Variants in SMAP1 observed in about 807,000 individuals in gnomAD.
SMAP1 encodes small ArfGAP 1, also known as stromal membrane-associated protein 1.
Under a neutral mutation model 58.5 loss-of-function variants are expected in SMAP1, and 24 were observed. The observed-to-expected ratio is 0.41, with a 90% CI of 0.30 to 0.58. The LOEUF (loss-of-function observed/expected upper bound fraction) is 0.58. Ranked by LOEUF, SMAP1 falls within the 20% of genes least tolerant of loss-of-function variation. The probability of loss-of-function intolerance (pLI) is 0.29; values close to 1 mark genes in which losing one functional copy is unlikely to be tolerated. For missense variants in SMAP1, 563 were observed against 566.3 expected, an observed-to-expected ratio of 0.99 and a Z score of 0.06; for synonymous variants, 216 against 196.6, an observed-to-expected ratio of 1.10 and a Z score of -0.82.
At position 70,693,545 on chromosome 6, in the gene SMAP1, G is replaced by A. The variant is rs181915425; in HGVS notation, c.118+25404G>A. On this transcript the variant is annotated intron_variant, in intron 1 of 10. Coordinates refer to ENST00000370455, the MANE Select transcript of SMAP1 (RefSeq NM_001044305.3). Reference sequence around the variant, plus strand: ...TCTCCATCTCTTGACCTCATGATCCGCCTGCCTCGGCCTCCCAAAGTGCTG... The same window carrying A: ...TCTCCATCTCTTGACCTCATGATCCACCTGCCTCGGCCTCCCAAAGTGCTG... Among the ~76,000 whole-genome samples the A allele has an allele frequency of 1.9e-3, 292 of 151,964 alleles. 1 individual carries two copies. Among genetic ancestry groups the A allele is most frequent in the African/African-American group, 6.6e-3 (272 of 41,466 alleles).
rs68188898 is a variant in SMAP1 at position 70,858,287 on chromosome 6, CTTTTTTTTTTTTTTT to C, written c.1269+72_1269+86del. On this transcript the variant is annotated intron_variant, in intron 10 of 10. Transcript: ENST00000370455. Reference sequence around the variant, plus strand: ...ATCAAACCAGATTTATTTTCTAAATCTTTTTTTTTTTTTTTTTTTTTTTTTTTTAAGTCTAGTGAT... The same window carrying C: ...ATCAAACCAGATTTATTTTCTAAATCTTTTTTTTTTTTTAAGTCTAGTGAT... 139 of 290,732 alleles carry C rather than the reference CTTTTTTTTTTTTTTT, an allele frequency of 4.8e-4. 1 individual carries two copies. The highest frequency in any genetic ancestry group is 2.9e-3 in the South Asian group (98 of 33,458). 18.0% of individuals were successfully genotyped at this position (290,732 alleles called of 1,614,324 possible).
chr6:70,788,105 G>C lies in SMAP1; in HGVS notation c.415-3584G>C, dbSNP rs1002539100. On this transcript the variant is annotated intron_variant, in intron 4 of 10. Transcript: ENST00000370455. Reference sequence around the variant, plus strand: ...GAAAATGTGGCGCATATACACCATGGAATACTATGCAGCCATAAAAAATGA... The same window carrying C: ...GAAAATGTGGCGCATATACACCATGCAATACTATGCAGCCATAAAAAATGA... Among the ~76,000 whole-genome samples the C allele has an allele frequency of 4.7e-4, 71 of 152,022 alleles. 1 individual carries two copies. The highest frequency in any genetic ancestry group is 1.0e-3 in the Admixed American group (16 of 15,274).
intron 4 of SMAP1, among the ~76,000 whole-genome samples, chr6:70,786,003 AG>A (rs2149933168): frequency 6.6e-6 from 1 of 152,364 alleles, no homozygotes; most frequent in South Asian, 2.1e-4. Context: ...CAACCAAAAA[AG>A]AGAATTTTAG....
chr6:70,766,647 C>T, intron 3 of SMAP1, among the ~76,000 whole-genome samples: 1 of 152,038 alleles, frequency 6.6e-6, no homozygotes, highest in East Asian at 1.9e-4. Context: ...TGGTTATTAG[C>T]CCTTTGTCAG....
chr6:70,759,268 T>C (rs1219857231), intron 3 of SMAP1, among the ~76,000 whole-genome samples: 1 of 152,058 alleles, frequency 6.6e-6, no homozygotes, highest in Non-Finnish European at 1.5e-5. Context: ...ATTTATTCCC[T>C]CTTTTTTTGC....
At chr6:70,713,663 A>C (rs1768149843) in intron 1 of SMAP1, among the ~76,000 whole-genome samples, 2 of 152,098 alleles carry the variant, frequency 1.3e-5, no homozygotes, top group South Asian at 4.2e-4. Context: ...TTGTGACCTA[A>C]TGTGATCTGT....
At position 70,860,215 on chromosome 6, in the gene SMAP1, G is replaced by A. The variant is rs758182111; in HGVS notation, c.1285G>A (p.Ala429Thr). The change falls in exon 11 of 11, where the codon GCT becomes ACT. Residue 429 changes from alanine to threonine, a missense_variant. This residue lies in a region of SMAP1 where 494 missense variants were observed against 473.8 expected (regional missense o/e 1.04). Coordinates refer to ENST00000370455, the MANE Select transcript of SMAP1 (RefSeq NM_001044305.3). Reference protein sequence around the residue: ...WSLSQMNQQMAGMSISSATPT... With the variant: ...WSLSQMNQQMTGMSISSATPT... ...TGTTTCACAGATGAATCAGCAGATG[G>A]CTGGCATGAGTATCAGTAGTGCAAC... The A allele has an allele frequency of 2.2e-5, 35 of 1,609,632 alleles. No individual in the cohort carries two copies. Among genetic ancestry groups the A allele is most frequent in the Non-Finnish European group, 2.9e-5 (34 of 1,178,604 alleles).
At chr6:70,684,901 T>G (rs1470845139) in intron 1 of SMAP1, among the ~76,000 whole-genome samples, 1 of 152,192 alleles carries the variant, frequency 6.6e-6, no homozygotes, top group Non-Finnish European at 1.5e-5. Flanking sequence ...TTTTGAAGGC[T>G]CAGCTCTCCC....
intron 7 of SMAP1, among the ~76,000 whole-genome samples, chr6:70,852,084 G>A (rs965967241): frequency 5.3e-5 from 8 of 152,176 alleles, no homozygotes; most frequent in Admixed American, 4.6e-4. Context: ...TACATTTATG[G>A]AGAGGGATTA....
At chr6:70,799,770 G>C (rs1024061260) in intron 6 of SMAP1, among the ~76,000 whole-genome samples, 1 of 152,144 alleles carries the variant, frequency 6.6e-6, no homozygotes, top group Admixed American at 6.5e-5. Flanking sequence ...AAGCTTGTAT[G>C]TTTTTAGGGT....
chr6:70,667,957 T>C lies in SMAP1; in HGVS notation c.-67T>C. 2 of 1,419,340 alleles carry C rather than the reference T, an allele frequency of 1.4e-6. No individual in the cohort carries two copies. Among genetic ancestry groups the C allele is most frequent in the East Asian group, 2.8e-5 (1 of 35,448 alleles). 87.9% of individuals were successfully genotyped at this position (1,419,340 alleles called of 1,614,324 possible). ...TCCCGGCGGCGCCAGGTGCGTTCACTCTGCCCGGCTCCAGCCAGCGTCCGC... is the reference window on the plus strand; with the variant it reads ...TCCCGGCGGCGCCAGGTGCGTTCACCCTGCCCGGCTCCAGCCAGCGTCCGC... On this transcript the variant is annotated 5_prime_UTR_variant, in exon 1 of 11. Transcript: ENST00000370455.
At chr6:70,811,872 A>T (rs546391584) in intron 6 of SMAP1, among the ~76,000 whole-genome samples, 2 of 152,288 alleles carry the variant, frequency 1.3e-5, no homozygotes, top group South Asian at 4.1e-4. Context: ...CCCAAGATGT[A>T]GCCAGTGAAA....
chr6:70,740,785 C>A (rs1003941450), intron 2 of SMAP1, among the ~76,000 whole-genome samples: 1 of 152,090 alleles, frequency 6.6e-6, no homozygotes, highest in Non-Finnish European at 1.5e-5. Flanking sequence ...TAAAGACATA[C>A]CTGAGACTGG....
chr6:70,860,347 A>G lies in SMAP1; in HGVS notation c.*13A>G. On this transcript the variant is annotated 3_prime_UTR_variant, in exon 11 of 11. Coordinates refer to ENST00000370455, the MANE Select transcript of SMAP1 (RefSeq NM_001044305.3). ...ACTGTGGAAATGAAAACTGCAATAC[A>G]AGTTTCATCCAGAACTACCACCTGA... 4 of 1,600,776 alleles carry G rather than the reference A, an allele frequency of 2.5e-6. No homozygotes were observed. The highest frequency in any genetic ancestry group is 1.1e-5 in the South Asian group (1 of 88,382).
chr6:70,749,508 A>G (rs1030356671), intron 2 of SMAP1, among the ~76,000 whole-genome samples: 6 of 151,990 alleles, frequency 3.9e-5, no homozygotes, highest in African/African-American at 1.4e-4. Context: ...CAGTTTTGCC[A>G]TTGGGAATTT....
chr6:70,675,198 GTTTTT>G (rs67744035), intron 1 of SMAP1, among the ~76,000 whole-genome samples: 28 of 109,950 alleles, frequency 2.5e-4, no homozygotes, highest in Non-Finnish European at 3.4e-4. Context: ...ATTATATAGT[GTTTTT>G]TTTTTTTTTT....
At chr6:70,843,154 T>TC (rs374794193) in intron 7 of SMAP1, among the ~76,000 whole-genome samples, 6,130 of 125,796 alleles carry the variant, frequency 0.049, 167 homozygotes, top group African/African-American at 0.086. Context: ...CCACACACAC[T>TC]CCCCCCCCCC....
At chr6:70,674,205 T>C (rs1309191552) in intron 1 of SMAP1, among the ~76,000 whole-genome samples, 1 of 151,916 alleles carries the variant, frequency 6.6e-6, no homozygotes, top group Non-Finnish European at 1.5e-5. Context: ...CTCTCCCTCC[T>C]TGGTTCAAGC....
At chr6:70,777,469 T>C (rs1057396208) in intron 4 of SMAP1, among the ~76,000 whole-genome samples, 19 of 152,218 alleles carry the variant, frequency 1.2e-4, no homozygotes, top group Admixed American at 7.2e-4. Context: ...TATTTTTTGC[T>C]GTCGAGTTGT....
Sources: gnomAD v4.1 joint callset for allele counts (sites outside exome capture counted in the v4.1 genomes callset) on GRCh38, gnomAD v4.1.1 for gene constraint, gnomAD v4.1.1 regional missense constraint, MANE v1.5 for transcripts, NCBI Gene and HGNC (gene_info 2026-07-23, HGNC 2026-07-21) for gene names.